Variants in PTPN5 observed in about 807,000 individuals in gnomAD.
PTPN5 encodes the protein protein tyrosine phosphatase non-receptor type 5.
PTPN5 carries 29 observed loss-of-function variants against 73.9 expected under a neutral mutation model. That is an observed-to-expected ratio of 0.39 (90% CI 0.29 to 0.54). The LOEUF is 0.54. PTPN5 is among the 20% of genes least tolerant of loss of function. The pLI is 0.65. For synonymous variants in PTPN5, 267 were observed against 304.7 expected (o/e 0.88, Z 1.29); for missense variants, 652 against 751.4 (o/e 0.87, Z 1.55).
intron 1 of PTPN5, among the ~76,000 whole-genome samples, chr11:18,779,883 T>C (rs1481859069): frequency 6.6e-6 from 1 of 152,188 alleles, no homozygotes; most frequent in African/African-American, 2.4e-5. Flanking sequence ...TGTCCTAACC[T>C]CTCTGAGTCT....
intron 3 of PTPN5, among the ~76,000 whole-genome samples, chr11:18,753,773 C>T (rs779770761): frequency 1.3e-5 from 2 of 152,166 alleles, no homozygotes; most frequent in African/African-American, 4.8e-5. Context: ...CATCTGCAAG[C>T]CCATGGCTGG....
intron 1 of PTPN5, among the ~76,000 whole-genome samples, chr11:18,785,409 GC>G (rs1408181104): frequency 6.6e-6 from 1 of 152,180 alleles, no homozygotes; most frequent in Non-Finnish European, 1.5e-5. Flanking sequence ...AGTGAAAAAT[GC>G]AGGCTATAAA....
At chr11:18,755,646 T>C (rs755797) in intron 3 of PTPN5, among the ~76,000 whole-genome samples, 52,526 of 151,748 alleles carry the variant, frequency 0.35, 9,420 homozygotes, top group East Asian at 0.49. Context: ...CAAATGGTCT[T>C]GCTTGTGATT....
chr11:18,729,532 T>C lies in PTPN5; in HGVS notation c.1525A>G (p.Thr509Ala). The C allele has an allele frequency of 6.2e-7, 1 of 1,600,806 alleles. No individual in the cohort carries two copies. Among genetic ancestry groups the C allele is most frequent in the Non-Finnish European group, 8.5e-7 (1 of 1,176,290 alleles). Reference protein sequence around the residue: ...GIGRTGCFIATSICCQQLRQE... With the variant: ...GIGRTGCFIAASICCQQLRQE... ...CGCAGCTGCTGGCAGCAGATGCTGGTGGCAATGAAGCAGCCGGTCCTCCCA... is the reference window on the plus strand; with the variant it reads ...CGCAGCTGCTGGCAGCAGATGCTGGCGGCAATGAAGCAGCCGGTCCTCCCA... Residue 509 changes from threonine to alanine, a missense_variant, in exon 14 of 15, where the codon ACC (threonine) becomes GCC (alanine). Physicochemically the swap from Thr to Ala is moderately conservative, Grantham distance 58. Around this residue, in one of 3 missense-constraint regions of PTPN5, gnomAD observed 102 missense variants for 160.5 expected, o/e 0.64. Transcript: ENST00000358540. The surrounding 1 kb of genome is among the most constrained non-coding windows in gnomAD (Gnocchi z 5.2).
intron 1 of PTPN5, among the ~76,000 whole-genome samples, chr11:18,786,136 T>C (rs938101663): frequency 6.6e-6 from 1 of 152,286 alleles, no homozygotes; most frequent in South Asian, 2.1e-4. Flanking sequence ...GTGGCCATGA[T>C]GCTCGTTCCA....
intron 3 of PTPN5, among the ~76,000 whole-genome samples, chr11:18,758,713 G>T (rs1850259748): frequency 6.6e-6 from 1 of 151,734 alleles, no homozygotes; most frequent in South Asian, 2.1e-4. Flanking sequence ...GAATTCCTGA[G>T]AGCTGGGGTG....
chr11:18,777,859 C>T (rs138144965), intron 1 of PTPN5, among the ~76,000 whole-genome samples: 2,259 of 152,074 alleles, frequency 0.015, 44 homozygotes, highest in African/African-American at 0.05. Flanking sequence ...GCAGGAGGAT[C>T]GCTTGAGCCC....
rs562893990 is a variant in PTPN5, at chr11:18,771,998, G to A, written c.-40C>T. The A allele has an allele frequency of 3.3e-6, 5 of 1,521,918 alleles. No individual in the cohort carries two copies. The Admixed American group carries it at 7.2e-5, about 22-fold the overall frequency. The allele number at this position is 1,521,918 out of a possible 1,614,324, so 94.3% of individuals were successfully genotyped here. ...GATGGGGAAGGGTGCCATCTTCCAGGGCAGGAAGCTTTCTCAGCAAAAAGC... is the reference window on the plus strand; with the variant it reads ...GATGGGGAAGGGTGCCATCTTCCAGAGCAGGAAGCTTTCTCAGCAAAAAGC... On this transcript the variant is annotated 5_prime_UTR_variant, in exon 2 of 15. Transcript: ENST00000358540.
Position 18,774,252 on chromosome 11 carries a change from C to G in PTPN5, c.-113-2181G>C, listed in dbSNP as rs559007085. 3.3e-5 allele frequency among the ~76,000 whole-genome samples: 5 copies of G among 152,328 alleles called. 2 individuals carry two copies. The highest frequency in any genetic ancestry group is 1.2e-4 in the African/African-American group (5 of 41,562). ...GTTGACTATCATGGTGACTGGTGAACAGCAGGTGCTCAGGATCTGTGCAAA... is the reference window on the plus strand; with the variant it reads ...GTTGACTATCATGGTGACTGGTGAAGAGCAGGTGCTCAGGATCTGTGCAAA... On this transcript the variant is annotated intron_variant, in intron 1 of 14. Transcript: ENST00000358540.
At chr11:18,744,300 A>T (rs1234880981) in intron 3 of PTPN5, 101 bp from the exon 4 acceptor site, 5 of 1,067,578 alleles carry the variant, frequency 4.7e-6, no homozygotes, top group Admixed American at 3.5e-5. Flanking sequence ...TCAATCTGGG[A>T]TCAGTCAGCG....
chr11:18,769,784 C>T (rs557931682), intron 2 of PTPN5, among the ~76,000 whole-genome samples: 178 of 152,308 alleles, frequency 1.2e-3, no homozygotes, highest in Admixed American at 1.9e-3. Context: ...ATAGAAAGAG[C>T]AAGGCATGGA....
intron 3 of PTPN5, among the ~76,000 whole-genome samples, chr11:18,759,265 A>C (rs1156261647): frequency 3.3e-5 from 5 of 152,260 alleles, no homozygotes; most frequent in Admixed American, 6.5e-5. Flanking sequence ...CTCTGTAATA[A>C]GCACTTTACG....
chr11:18,765,533 C>T (rs1850604684), intron 3 of PTPN5, among the ~76,000 whole-genome samples: 1 of 152,238 alleles, frequency 6.6e-6, no homozygotes, highest in African/African-American at 2.4e-5. Flanking sequence ...CTGTACTCCT[C>T]AGCTCTTCGT....
chr11:18,740,509 T>A, intron 8 of PTPN5, 94 bp downstream of exon 8: 1 of 1,153,698 alleles, frequency 8.7e-7, no homozygotes, highest in Non-Finnish European at 1.2e-6. Context: ...CTACTGCAGA[T>A]GCTGAGTTCC....
intron 3 of PTPN5, among the ~76,000 whole-genome samples, chr11:18,765,311 G>A (rs1305910121): frequency 1.3e-5 from 2 of 152,088 alleles, no homozygotes; most frequent in Non-Finnish European, 2.9e-5. Context: ...TCTCCACGGT[G>A]GCTGCAATGG....
chr11:18,729,739 G>A lies in PTPN5; in HGVS notation c.1409C>T (p.Pro470Leu), dbSNP rs138509696. Reference protein sequence around the residue: ...PDQKTPDRAPPLLHLVREVEE... With the variant: ...PDQKTPDRAPLLLHLVREVEE... ...CACCTCCCGCACCAGGTGCAGGAGT[G>A]GGGGGGCCCGGTCTGGGGTCTTCTG... Residue 470 changes from proline (P) to leucine (L), a missense_variant, in exon 13 of 15, where the codon CCA becomes CTA. This residue lies in a region of PTPN5 where 102 missense variants were observed against 160.5 expected (regional missense o/e 0.64). Transcript: ENST00000358540. The surrounding 1 kb of genome is among the most constrained non-coding windows in gnomAD (Gnocchi z 5.2). The A allele has an allele frequency of 1.6e-5, 26 of 1,604,424 alleles. No individual in the cohort carries two copies. In the Admixed American group the frequency reaches 2.5e-4, roughly 16 times the overall value.
At chr11:18,732,329 C>A (rs1437912432) in intron 12 of PTPN5, among the ~76,000 whole-genome samples, 1 of 152,172 alleles carries the variant, frequency 6.6e-6, no homozygotes, top group Admixed American at 6.5e-5. Flanking sequence ...AGCTAGAATG[C>A]ATTATGAATG....
chr11:18,748,969 C>T (rs899211306), intron 3 of PTPN5, among the ~76,000 whole-genome samples: 4 of 152,176 alleles, frequency 2.6e-5, no homozygotes, highest in South Asian at 2.1e-4. Context: ...CTAGAAATGA[C>T]GTCAGCTCTT....
intron 1 of PTPN5, 66 bp downstream of exon 1, chr11:18,791,459 G>A (rs1851923492): frequency 6.6e-6 from 1 of 152,154 alleles, no homozygotes; most frequent in Admixed American, 6.5e-5. Context: ...CCGCCCGAAG[G>A]AGGGACCCGC....
Sources: allele counts gnomAD v4.1 joint callset (sites outside exome capture counted in the v4.1 genomes callset), GRCh38; gene constraint gnomAD v4.1.1; regional missense constraint gnomAD v4.1.1; non-coding constraint Gnocchi (gnomAD v3.1); transcripts MANE v1.5; gene names NCBI Gene and HGNC (gene_info 2026-07-23, HGNC 2026-07-21).